JAKMIP3: variants seen among roughly 807,000 people sequenced by gnomAD.
The protein encoded by JAKMIP3 is Janus kinase and microtubule interacting protein 3.
JAKMIP3 carries 58 observed loss-of-function variants against 118.5 expected under a neutral mutation model. That is an observed-to-expected ratio of 0.49 (90% CI 0.40 to 0.61). The LOEUF (loss-of-function observed/expected upper bound fraction) is 0.61, where lower values mean the gene tolerates loss of function less well. Among genes scored for constraint, JAKMIP3 ranks in the 20% least tolerant of loss-of-function variants. The probability of loss-of-function intolerance (pLI) is 0.00; values close to 1 mark genes in which losing one functional copy is unlikely to be tolerated. For synonymous variants in JAKMIP3, 486 were observed against 451.2 expected, an observed-to-expected ratio of 1.08 and a Z score of -0.98; for missense variants, 950 against 1,109.0, an observed-to-expected ratio of 0.86 and a Z score of 2.04.
chr10:132,139,796 G>T (rs1206711101), intron 9 of JAKMIP3, among the ~76,000 whole-genome samples: 3 of 152,164 alleles, frequency 2.0e-5, no homozygotes, highest in African/African-American at 7.2e-5. Flanking sequence ...AGTTTTGCTG[G>T]AAGGTTCTGG....
intron 3 of JAKMIP3, among the ~76,000 whole-genome samples, chr10:132,120,233 A>G (rs1444199813): frequency 6.6e-6 from 1 of 152,092 alleles, no homozygotes; most frequent in Admixed American, 6.5e-5. Context: ...AACCCCTGTC[A>G]GTGGGAAGAC....
At chr10:132,137,334 G>A (rs370611875) in intron 8 of JAKMIP3, 45 bp downstream of exon 8, 61 of 1,611,368 alleles carry the variant, frequency 3.8e-5, no homozygotes, top group Middle Eastern at 1.6e-4. Context: ...CGCTCCCCAC[G>A]CAGTTGCCCG....
rs543153033 is a variant in JAKMIP3, at chr10:132,112,056, G to A, written c.136-5021G>A. ...CGGGGGTAGAGCGTGCGGGTGGACG[G>A]TGCATGGGATGCTCCAGGCTTGGGT... On this transcript the variant is annotated intron_variant, in intron 2 of 23. Transcript: ENST00000684848. The surrounding 1 kb of genome is among the most constrained non-coding windows in gnomAD (Gnocchi z 4.3). 1.3e-5 allele frequency among the ~76,000 whole-genome samples: 2 copies of A among 152,062 alleles called. No individual in the cohort carries two copies. The highest frequency in any genetic ancestry group is 2.1e-4 in the South Asian group (1 of 4,816).
rs569760398 is a variant in JAKMIP3 at position 132,124,339 on chromosome 10, A to G, written c.633+6765A>G. Among the ~76,000 whole-genome samples the G allele has an allele frequency of 2.5e-3, 380 of 150,410 alleles. 5 individuals are homozygous for G. The highest frequency in any genetic ancestry group is 2.3e-3 in the Non-Finnish European group (157 of 67,572). On this transcript the variant is annotated intron_variant, in intron 3 of 23. Transcript: ENST00000684848. Reference sequence around the variant, plus strand: ...CCAGCCGGCCGCGCCATACACGTCCATTGCCACGTGATCACACGTCCCACC... The same window carrying G: ...CCAGCCGGCCGCGCCATACACGTCCGTTGCCACGTGATCACACGTCCCACC...
At chr10:132,138,946 C>T (rs1367732943) in intron 9 of JAKMIP3, among the ~76,000 whole-genome samples, 1 of 152,252 alleles carries the variant, frequency 6.6e-6, no homozygotes, top group Non-Finnish European at 1.5e-5. Flanking sequence ...CACCTGTCAT[C>T]ATTTCTCTAC....
At position 132,085,392 on chromosome 10, in the gene JAKMIP3, T is replaced by C. The variant is rs565706164; in HGVS notation, c.-137-19280T>C. Among the ~76,000 whole-genome samples, 10 of 152,354 alleles carry C rather than the reference T, an allele frequency of 6.6e-5. No homozygotes were observed. In the East Asian group the frequency reaches 1.9e-3, roughly 29 times the overall value. ...AGTAGCCTTGAATGATCTTTTGTAT[T>C]TCTGTGATGTCAATTGTAATATCTT... On this transcript the variant is annotated intron_variant, in intron 1 of 23. Coordinates refer to ENST00000684848, the MANE Select transcript of JAKMIP3 (RefSeq NM_001323087.2).
intron 23 of JAKMIP3, among the ~76,000 whole-genome samples, chr10:132,180,622 T>TGC (rs1272267258): frequency 0.054 from 2,297 of 42,926 alleles, 533 homozygotes; most frequent in Admixed American, 0.1. Context: ...TGTGCGTGTG[T>TGC]GTGCGTGTGT....
chr10:132,077,362 G>A (rs76807282), intron 1 of JAKMIP3, among the ~76,000 whole-genome samples: 3,034 of 152,264 alleles, frequency 0.02, 92 homozygotes, highest in African/African-American at 0.067. Flanking sequence ...CTTCCTGTGA[G>A]TGCCTGGTGC....
At chr10:132,108,699 A>G (rs934881122) in intron 2 of JAKMIP3, among the ~76,000 whole-genome samples, 2 of 150,916 alleles carry the variant, frequency 1.3e-5, no homozygotes, top group African/African-American at 4.9e-5. Context: ...CTTCCCAGCC[A>G]AGTGTCATTT....
At chr10:132,143,737 T>A (rs2054045579) in intron 11 of JAKMIP3, 1 of 152,146 alleles carries the variant, frequency 6.6e-6, no homozygotes, top group South Asian at 2.1e-4. Flanking sequence ...AGCCTCAGGA[T>A]AAGGAAGGGG....
chr10:132,112,122 T>A lies in JAKMIP3; in HGVS notation c.136-4955T>A, dbSNP rs990195700. On this transcript the variant is annotated intron_variant, in intron 2 of 23. Coordinates refer to ENST00000684848, the MANE Select transcript of JAKMIP3 (RefSeq NM_001323087.2). This position sits in a 1 kb window ranked among gnomAD's most constrained non-coding sequence, Gnocchi z 4.3. ...CGGGCTGCCCTTTGCTGAGGTGGCA[T>A]CTGGGCGAGGATGATGGGCACTGGG... is the stretch of plus-strand genomic sequence containing the variant. Among the ~76,000 whole-genome samples, 12 of 151,878 alleles carry A rather than the reference T, an allele frequency of 7.9e-5. No individual in the cohort carries two copies. Among genetic ancestry groups the A allele is most frequent in the Non-Finnish European group, 1.6e-4 (11 of 67,926 alleles).
intron 1 of JAKMIP3, among the ~76,000 whole-genome samples, chr10:132,079,810 C>T (rs529828401): frequency 3.9e-5 from 6 of 152,218 alleles, no homozygotes; most frequent in Non-Finnish European, 7.3e-5. Context: ...TTCCAAAGAC[C>T]TCATGCCTCC....
intron 17 of JAKMIP3, among the ~76,000 whole-genome samples, chr10:132,153,309 T>A (rs2056553123): frequency 6.6e-6 from 1 of 152,192 alleles, no homozygotes; most frequent in Non-Finnish European, 1.5e-5. Context: ...GCGTTCTCTG[T>A]TCAACTTACC....
intron 1 of JAKMIP3, among the ~76,000 whole-genome samples, chr10:132,053,317 G>A (rs904603513): frequency 1.5e-4 from 23 of 152,334 alleles, no homozygotes; most frequent in African/African-American, 5.3e-4. Context: ...TGGAATTGGG[G>A]TGAGGCAGAG....
upstream of JAKMIP3, among the ~76,000 whole-genome samples, chr10:132,036,474 C>A (rs571440121): frequency 8.5e-4 from 130 of 152,300 alleles, no homozygotes; most frequent in Non-Finnish European, 5.7e-4. Flanking sequence ...GGCCCCCGGG[C>A]TATTTTCAGC....
chr10:132,105,715 C>T (rs986855051), intron 2 of JAKMIP3, among the ~76,000 whole-genome samples: 3 of 152,116 alleles, frequency 2.0e-5, no homozygotes, highest in African/African-American at 4.8e-5. Flanking sequence ...AAGGAGAAGG[C>T]GAGGGAGAGA....
intron 23 of JAKMIP3, among the ~76,000 whole-genome samples, chr10:132,180,070 AG>A (rs1189270975): frequency 2.0e-5 from 3 of 152,350 alleles, no homozygotes; most frequent in South Asian, 4.1e-4. Context: ...CTAACATGCC[AG>A]GCCCTCAAAA....
chr10:132,183,628 G>A lies in JAKMIP3; in HGVS notation c.*2375G>A, dbSNP rs1340925259. On this transcript the variant is annotated 3_prime_UTR_variant, in exon 24 of 24. Transcript: ENST00000684848. ...AGGAACGGGAGAAGGTGCAAGGAAT[G>A]TGCTGAATAACATCCAAACTGCATC... 1 of 152,238 alleles carries A rather than the reference G, an allele frequency of 6.6e-6. No homozygotes were observed. The highest frequency in any genetic ancestry group is 1.5e-5 in the Non-Finnish European group (1 of 68,032). The allele number at this position is 152,238 out of a possible 1,614,324, so 9.4% of individuals were successfully genotyped here. A position where few individuals can be genotyped will look rare whatever the true frequency, so the allele number is the denominator to read the frequency against.
intron 1 of JAKMIP3, among the ~76,000 whole-genome samples, chr10:132,055,249 T>C (rs1259489649): frequency 2.0e-5 from 3 of 152,182 alleles, no homozygotes; most frequent in African/African-American, 7.2e-5. Context: ...AGAACTCTTT[T>C]CAAGACCTTT....
Sources: allele counts gnomAD v4.1 joint callset (sites outside exome capture counted in the v4.1 genomes callset), GRCh38; gene constraint gnomAD v4.1.1; non-coding constraint Gnocchi (gnomAD v3.1); transcripts MANE v1.5; gene names NCBI Gene and HGNC (gene_info 2026-07-23, HGNC 2026-07-21).